Variants in STARD13 observed in about 807,000 individuals in gnomAD.
The protein encoded by STARD13 is StAR related lipid transfer domain containing 13.
Under a neutral mutation model 106.4 loss-of-function variants are expected in STARD13, and 62 were observed. That is an observed-to-expected ratio of 0.58 (90% CI 0.48 to 0.72). STARD13 has a LOEUF of 0.72. Ranked by LOEUF, STARD13 falls within the 30% of genes least tolerant of loss-of-function variation. The pLI is 0.00. For synonymous variants in STARD13, 565 were observed against 553.0 expected, an observed-to-expected ratio of 1.02 and a Z score of -0.31; for missense variants, 1,387 against 1,424.0, an observed-to-expected ratio of 0.97 and a Z score of 0.42.
the STARD13 span, among the ~76,000 whole-genome samples, chr13:33,407,129 G>A: frequency 1.3e-5 from 2 of 152,190 alleles, no homozygotes; most frequent in Non-Finnish European, 2.9e-5. Context: ...CGGTCCAGCA[G>A]CACGCATGTA....
chr13:33,159,784 A>C (rs1274854833), intron 3 of STARD13, among the ~76,000 whole-genome samples: 1 of 152,182 alleles, frequency 6.6e-6, no homozygotes, highest in Non-Finnish European at 1.5e-5. Flanking sequence ...AGATACTATC[A>C]ATGTGAACCA....
intron 1 of STARD13, among the ~76,000 whole-genome samples, chr13:33,214,291 T>C (rs1887899264): frequency 6.6e-6 from 1 of 152,184 alleles, no homozygotes; most frequent in Non-Finnish European, 1.5e-5. Context: ...ATGACTGGGT[T>C]GAAATAAACT....
chr13:33,389,206 C>T, the STARD13 span, among the ~76,000 whole-genome samples: 6 of 152,156 alleles, frequency 3.9e-5, no homozygotes, highest in African/African-American at 1.4e-4. Context: ...GATCTGCCTG[C>T]CTTGGCCTCC....
the STARD13 span, among the ~76,000 whole-genome samples, chr13:33,625,766 A>G: frequency 0.011 from 1,639 of 151,556 alleles, 34 homozygotes; most frequent in African/African-American, 0.038. Flanking sequence ...CGGTGGCACC[A>G]TCACAGCTCA....
intron 1 of STARD13, among the ~76,000 whole-genome samples, chr13:33,266,070 T>C (rs182188605): frequency 2.0e-5 from 3 of 152,176 alleles, no homozygotes; most frequent in African/African-American, 7.2e-5. Flanking sequence ...TCACTGTAAC[T>C]GCAGCAGCAG....
chr13:33,340,148 T>G (rs548942721), intron 1 of STARD13, among the ~76,000 whole-genome samples: 199 of 152,366 alleles, frequency 1.3e-3, no homozygotes, highest in African/African-American at 4.5e-3. Context: ...TTTTATGATA[T>G]TCAAACATTC....
At chr13:33,509,757 G>A in the STARD13 span, among the ~76,000 whole-genome samples, 3 of 152,202 alleles carry the variant, frequency 2.0e-5, no homozygotes, top group Admixed American at 2.0e-4. Context: ...GGCATTGCCA[G>A]TGAAATGCCA....
the STARD13 span, among the ~76,000 whole-genome samples, chr13:33,496,800 A>G: frequency 6.6e-6 from 1 of 152,070 alleles, no homozygotes; most frequent in Non-Finnish European, 1.5e-5. Context: ...AATGTATGCC[A>G]TTTTGTCTCA....
At chr13:33,627,969 CTTT>C in the STARD13 span, among the ~76,000 whole-genome samples, 1 of 143,338 alleles carries the variant, frequency 7.0e-6, no homozygotes. Flanking sequence ...TTTTTTCTTT[CTTT>C]TTTTTTTTTT....
chr13:33,487,340 A>C, the STARD13 span, among the ~76,000 whole-genome samples: 1 of 152,200 alleles, frequency 6.6e-6, no homozygotes, highest in African/African-American at 2.4e-5. Context: ...CCTGGGATCT[A>C]GTTAGTCCAG....
intron 2 of STARD13, 30 bp downstream of exon 2, chr13:33,167,521 G>A (rs1321518681): frequency 6.2e-7 from 1 of 1,609,904 alleles, no homozygotes; most frequent in South Asian, 1.1e-5. Context: ...TTTATTCTCT[G>A]TGTAAGAGCG....
chr13:33,441,991 C>T, the STARD13 span, among the ~76,000 whole-genome samples: 1 of 152,184 alleles, frequency 6.6e-6, no homozygotes. Context: ...AAGATCCCTC[C>T]ATATTTTTAA....
intron 4 of STARD13, 51 bp downstream of exon 4, chr13:33,142,259 T>C (rs1190610300): frequency 1.4e-6 from 2 of 1,391,054 alleles, no homozygotes; most frequent in South Asian, 2.3e-5. Flanking sequence ...GATCTCAAAC[T>C]CCTGGCATTC....
chr13:33,163,611 T>TAAATAAC (rs1446649937), intron 3 of STARD13, among the ~76,000 whole-genome samples: 1 of 85,006 alleles, frequency 1.2e-5, no homozygotes, highest in South Asian at 5.2e-4. Flanking sequence ...AAAAAATATA[T>TAAATAAC]ATATATATAT....
chr13:33,488,004 C>A, the STARD13 span, among the ~76,000 whole-genome samples: 1 of 152,188 alleles, frequency 6.6e-6, no homozygotes, highest in East Asian at 1.9e-4. Context: ...TCCTCTCCTT[C>A]CCTTGGTGAT....
intron 1 of STARD13, among the ~76,000 whole-genome samples, chr13:33,295,039 G>A (rs991111578): frequency 1.3e-5 from 2 of 152,098 alleles, no homozygotes; most frequent in African/African-American, 4.8e-5. Context: ...TCAAGCAGCA[G>A]TTGGGAATTG....
chr13:33,462,218 T>C, the STARD13 span, among the ~76,000 whole-genome samples: 1 of 152,244 alleles, frequency 6.6e-6, no homozygotes, highest in Non-Finnish European at 1.5e-5. Flanking sequence ...CAACATTCTT[T>C]AAAGATTTGT....
At chr13:33,225,378 G>A (rs1263760430) in intron 1 of STARD13, among the ~76,000 whole-genome samples, 2 of 152,122 alleles carry the variant, frequency 1.3e-5, no homozygotes, top group Non-Finnish European at 2.9e-5. Context: ...ACTTCTGGCC[G>A]CCGTCTGTAC....
At chr13:33,185,657 T>C (rs1000659876) in intron 1 of STARD13, among the ~76,000 whole-genome samples, 4 of 152,196 alleles carry the variant, frequency 2.6e-5, no homozygotes, top group Admixed American at 1.3e-4. Context: ...CTGTTCCCTA[T>C]AGGCAATTTT....
Sources: gnomAD v4.1 joint callset for allele counts (sites outside exome capture counted in the v4.1 genomes callset) on GRCh38, gnomAD v4.1.1 for gene constraint, MANE v1.5 for transcripts, NCBI Gene and HGNC (gene_info 2026-07-23, HGNC 2026-07-21) for gene names.